Variants in XYLT1 observed in about 807,000 individuals in gnomAD.
XYLT1 encodes the protein beta-D-xylosyltransferase 1.
In XYLT1, 36 loss-of-function variants were observed where a neutral mutation model predicts 91.3. The observed-to-expected ratio is 0.39, with a 90% CI of 0.30 to 0.52. The LOEUF (loss-of-function observed/expected upper bound fraction) is 0.52. Ranked by LOEUF, XYLT1 falls within the 20% of genes least tolerant of loss-of-function variation. The pLI is 0.68. For synonymous variants in XYLT1, 588 were observed against 532.0 expected (o/e 1.11, Z -1.45); for missense variants, 1,242 against 1,284.5 (o/e 0.97, Z 0.51).
At chr16:17,109,570 G>C (rs8061954) in intron 11 of XYLT1, among the ~76,000 whole-genome samples, 9,977 of 152,052 alleles carry the variant, frequency 0.066, 1,084 homozygotes, top group African/African-American at 0.23. Context: ...GAGACAAGAG[G>C]GTTGGCAAAC....
At chr16:17,254,996 C>CTTTTTTT (rs34553607) in intron 3 of XYLT1, among the ~76,000 whole-genome samples, 77 of 113,326 alleles carry the variant, frequency 6.8e-4, no homozygotes, top group African/African-American at 1.0e-3. Context: ...TTTTCTTTTT[C>CTTTTTTT]TTTTTTTTTT....
intron 1 of XYLT1, among the ~76,000 whole-genome samples, chr16:17,411,300 C>G (rs1311608460): frequency 6.6e-6 from 1 of 152,028 alleles, no homozygotes; most frequent in African/African-American, 2.4e-5. Context: ...CATTATAACC[C>G]CCTTCATGGT....
At chr16:17,409,382 ATCAGCAATGATGTGCATATT>A (rs1363139697) in intron 1 of XYLT1, among the ~76,000 whole-genome samples, 1 of 152,142 alleles carries the variant, frequency 6.6e-6, no homozygotes, top group East Asian at 1.9e-4. Flanking sequence ...GCATAAGCCA[ATCAGCAATGATGTGCATATT>A]TCAGCAATGA....
chr16:17,158,042 T>C (rs2031454050), intron 6 of XYLT1, among the ~76,000 whole-genome samples: 2 of 149,924 alleles, frequency 1.3e-5, no homozygotes, highest in Non-Finnish European at 3.0e-5. Context: ...CCACTGCGCC[T>C]GGCCTTTAAT....
intron 1 of XYLT1, among the ~76,000 whole-genome samples, chr16:17,415,358 A>G (rs1293114640): frequency 6.6e-6 from 1 of 152,204 alleles, no homozygotes; most frequent in East Asian, 1.9e-4. Context: ...TATGAATCCT[A>G]CAGGCAGCAG....
chr16:17,153,882 C>T (rs1163705275), intron 6 of XYLT1, among the ~76,000 whole-genome samples: 1 of 152,114 alleles, frequency 6.6e-6, no homozygotes, highest in Non-Finnish European at 1.5e-5. Flanking sequence ...ATCTGCACAC[C>T]TCGAGAGCGT....
At chr16:17,455,992 G>A (rs865816242) in intron 1 of XYLT1, among the ~76,000 whole-genome samples, 17 of 152,206 alleles carry the variant, frequency 1.1e-4, no homozygotes, top group Non-Finnish European at 1.6e-4. Flanking sequence ...TGTAATTATC[G>A]CTGTAATTAT....
intron 1 of XYLT1, among the ~76,000 whole-genome samples, chr16:17,401,572 C>A (rs1433780140): frequency 6.6e-6 from 1 of 152,122 alleles, no homozygotes; most frequent in Non-Finnish European, 1.5e-5. Flanking sequence ...CTCTTTGTCT[C>A]TGTTCCTATA....
intron 2 of XYLT1, among the ~76,000 whole-genome samples, chr16:17,303,998 CGTGTGT>C (rs140606021): frequency 1.3e-5 from 2 of 150,014 alleles, no homozygotes; most frequent in African/African-American, 2.4e-5. Context: ...TATACATGTG[CGTGTGT>C]GTGTGTGTGT....
At chr16:17,134,782 G>A (rs773390724) in intron 8 of XYLT1, 47 bp from the exon 9 acceptor site, 2 of 1,601,028 alleles carry the variant, frequency 1.2e-6, no homozygotes, top group South Asian at 2.2e-5. Flanking sequence ...AGCGAGTGCT[G>A]GGGGTTGGGG....
chr16:17,253,287 A>G (rs143084459), intron 3 of XYLT1, among the ~76,000 whole-genome samples: 1 of 152,282 alleles, frequency 6.6e-6, no homozygotes, highest in African/African-American at 2.4e-5. Flanking sequence ...GGTGTAGCAA[A>G]TTAAAGCGTC....
intron 3 of XYLT1, among the ~76,000 whole-genome samples, chr16:17,254,491 C>T (rs567027283): frequency 1.5e-4 from 23 of 152,242 alleles, no homozygotes; most frequent in South Asian, 1.0e-3. Context: ...ACCTCCCAAG[C>T]TTAAGCGATT....
chr16:17,142,398 C>G (rs1024902459), intron 6 of XYLT1, among the ~76,000 whole-genome samples: 4 of 149,118 alleles, frequency 2.7e-5, no homozygotes, highest in African/African-American at 9.9e-5. Flanking sequence ...CATTAAATAA[C>G]AAGATATCAT....
intron 1 of XYLT1, among the ~76,000 whole-genome samples, chr16:17,391,100 C>T (rs377615822): frequency 2.0e-5 from 3 of 152,106 alleles, no homozygotes; most frequent in South Asian, 2.1e-4. Context: ...AAAGGATTCC[C>T]AGCCATTATT....
At chr16:17,138,801 T>TCAG in intron 7 of XYLT1, 1 of 354,332 alleles carries the variant, frequency 2.8e-6, no homozygotes, top group South Asian at 4.2e-5. Context: ...GTCAAGGGAC[T>TCAG]CTTATGTTCT....
At chr16:17,127,400 G>A (rs534906519) in intron 10 of XYLT1, among the ~76,000 whole-genome samples, 1 of 152,294 alleles carries the variant, frequency 6.6e-6, no homozygotes, top group East Asian at 1.9e-4. Context: ...TGGTTTAGGA[G>A]TCATCACTGG....
chr16:17,137,351 C>T (rs1020359687), intron 8 of XYLT1, among the ~76,000 whole-genome samples: 2 of 152,224 alleles, frequency 1.3e-5, no homozygotes, highest in African/African-American at 4.8e-5. Context: ...TCCCGCTCCA[C>T]ATCAAGGGCA....
chr16:17,427,579 C>G (rs1233716183), intron 1 of XYLT1, among the ~76,000 whole-genome samples: 1 of 152,292 alleles, frequency 6.6e-6, no homozygotes, highest in Non-Finnish European at 1.5e-5. Flanking sequence ...CCATCACTCC[C>G]AGCTTCAAGT....
At position 17,411,425 on chromosome 16, in the gene XYLT1, T is replaced by A. The variant is rs116222835; in HGVS notation, c.364-53375A>T. On this transcript the variant is annotated intron_variant, in intron 1 of 11. Transcript: ENST00000261381. ...TTGTATTGTGTCATTCTACAAGGAATGCTGCTACTATCACCTTGGGCTGCT... is the reference window on the plus strand; with the variant it reads ...TTGTATTGTGTCATTCTACAAGGAAAGCTGCTACTATCACCTTGGGCTGCT... Among the ~76,000 whole-genome samples the A allele has an allele frequency of 8.2e-3, 1,255 of 152,322 alleles. 23 individuals are homozygous for A. Among genetic ancestry groups the A allele is most frequent in the African/African-American group, 0.029 (1,200 of 41,578 alleles).
Sources: allele counts gnomAD v4.1 joint callset (sites outside exome capture counted in the v4.1 genomes callset), GRCh38; gene constraint gnomAD v4.1.1; transcripts MANE v1.5; gene names NCBI Gene and HGNC (gene_info 2026-07-23, HGNC 2026-07-21).